MYRFL: variants seen among roughly 807,000 people sequenced by gnomAD.
The protein encoded by MYRFL is myelin regulatory factor-like protein.
In MYRFL, 88 loss-of-function variants were observed where a neutral mutation model predicts 109.4. The observed-to-expected ratio is 0.80, with a 90% CI of 0.68 to 0.96. MYRFL has a LOEUF of 0.96. MYRFL is among the 40% of genes least tolerant of loss of function. MYRFL has a pLI of 0.00. For synonymous variants in MYRFL, 324 were observed against 320.9 expected (o/e 1.01, Z -0.10); for missense variants, 957 against 954.9 (o/e 1.00, Z -0.03).
intron 1 of MYRFL, among the ~76,000 whole-genome samples, chr12:69,854,433 G>A (rs1176724022): frequency 6.6e-6 from 1 of 152,180 alleles, no homozygotes; most frequent in East Asian, 1.9e-4. Context: ...ACCCTGGCTG[G>A]AGTGCAGTGG....
intron 1 of MYRFL, among the ~76,000 whole-genome samples, chr12:69,831,148 A>T (rs1357570805): frequency 6.6e-6 from 1 of 152,208 alleles, no homozygotes; most frequent in Non-Finnish European, 1.5e-5. Context: ...TTTAGTAAAC[A>T]TACAGTAAGC....
At chr12:69,860,603 A>G (rs1342070823) in intron 2 of MYRFL, among the ~76,000 whole-genome samples, 3 of 152,068 alleles carry the variant, frequency 2.0e-5, no homozygotes, top group African/African-American at 7.2e-5. Context: ...TTCTTTTAAA[A>G]AATGTTCATC....
Position 69,936,104 on chromosome 12 carries a change from T to G in MYRFL, c.1917-9T>G. On this transcript the variant is annotated splice_polypyrimidine_tract_variant and intron_variant, in intron 16 of 24. Transcript: ENST00000552032. ...TTTTTTTTTTTTTTTTTTTTTTTTT[T>G]TTTGACAGTGCTTTGACGATAGTTG... The G allele has an allele frequency of 7.0e-7, 1 of 1,425,468 alleles. No homozygotes were observed. The highest frequency in any genetic ancestry group is 9.3e-7 in the Non-Finnish European group (1 of 1,078,312). The allele number at this position is 1,425,468 out of a possible 1,614,324, so 88.3% of individuals were successfully genotyped here. A position where few individuals can be genotyped will look rare whatever the true frequency, so the allele number is the denominator to read the frequency against.
At chr12:69,883,706 T>TAAAC (rs1943629280) in intron 5 of MYRFL, among the ~76,000 whole-genome samples, 1 of 125,468 alleles carries the variant, frequency 8.0e-6, no homozygotes, top group Non-Finnish European at 1.6e-5. Flanking sequence ...CTACAAAAAG[T>TAAAC]AAAAAAAAAA....
intron 2 of MYRFL, among the ~76,000 whole-genome samples, chr12:69,872,286 AAG>A (rs1286857316): frequency 6.6e-6 from 1 of 152,266 alleles, no homozygotes; most frequent in South Asian, 2.1e-4. Context: ...TTGCAGGCAA[AAG>A]AGAGTTGCTT....
Position 69,825,531 on chromosome 12 carries a change from G to C in MYRFL, c.14G>C (p.Gly5Ala). The change falls in exon 1 of 25, where the codon GGC becomes GCC. Residue 5 changes from glycine (G) to alanine (A), a missense_variant. Coordinates refer to ENST00000552032, the MANE Select transcript of MYRFL (RefSeq NM_182530.3). MDVV[G>A]ENEALQQFFE... ...GATCACAGTACCATGGATGTGGTAG[G>C]CGAAAATGAGGCCCTGCAGCAGTTC... The C allele has an allele frequency of 1.4e-6, 1 of 701,954 alleles. No homozygotes were observed. Among genetic ancestry groups the C allele is most frequent in the Non-Finnish European group, 2.6e-6 (1 of 384,300 alleles). The allele number at this position is 701,954 out of a possible 1,614,324, so 43.5% of individuals were successfully genotyped here.
chr12:69,925,704 C>T (rs1955054252), intron 13 of MYRFL, among the ~76,000 whole-genome samples: 1 of 152,118 alleles, frequency 6.6e-6, no homozygotes, highest in Non-Finnish European at 1.5e-5. Flanking sequence ...GGCCTGGACT[C>T]TCTGGGTTTG....
chr12:69,947,054 T>C (rs1323339874), intron 19 of MYRFL: 2 of 152,280 alleles, frequency 1.3e-5, no homozygotes, highest in African/African-American at 4.8e-5. Context: ...GGTTTACTCT[T>C]CCCCTCTGTT....
intron 19 of MYRFL, among the ~76,000 whole-genome samples, chr12:69,949,634 A>G: frequency 6.9e-6 from 1 of 144,032 alleles, no homozygotes; most frequent in Non-Finnish European, 1.5e-5. Flanking sequence ...TTAAAACATT[A>G]TGAGATTTTT....
chr12:69,860,880 TCCCTCCC>T (rs1484563763), intron 2 of MYRFL, among the ~76,000 whole-genome samples: 1 of 111,698 alleles, frequency 9.0e-6, no homozygotes, highest in Non-Finnish European at 1.9e-5. Context: ...CCTAAAGCTA[TCCCTCCC>T]CCCTCCCCCC....
chr12:69,925,915 T>A, intron 13 of MYRFL, among the ~76,000 whole-genome samples: 1 of 152,196 alleles, frequency 6.6e-6, no homozygotes, highest in South Asian at 2.1e-4. Context: ...ACAGAGAGGT[T>A]ATTGCATTTT....
chr12:69,955,396 T>TAAAC lies in MYRFL; in HGVS notation c.2411_2414dup (p.His805GlnfsTer35), dbSNP rs1300836150. 3 of 663,306 alleles carry TAAAC rather than the reference T, an allele frequency of 4.5e-6. No individual in the cohort carries two copies. In the African/African-American group the frequency reaches 5.4e-5, roughly 12 times the overall value. 41.1% of individuals were successfully genotyped at this position (663,306 alleles called of 1,614,324 possible). On this transcript the variant is annotated frameshift_variant, in exon 22 of 25. Coordinates refer to ENST00000552032, the MANE Select transcript of MYRFL (RefSeq NM_182530.3). LOFTEE classifies it high-confidence loss of function. ...ATTATAATTACAATATTCCTGTTAA[T>TAAAC]AAACACACACCCACCAATGTCAAGT...
intron 13 of MYRFL, among the ~76,000 whole-genome samples, chr12:69,917,033 C>T (rs565813456): frequency 3.2e-4 from 48 of 152,246 alleles, no homozygotes; most frequent in African/African-American, 9.9e-4. Flanking sequence ...TCTCTCTGTT[C>T]CTCAAACCTG....
At chr12:69,943,071 T>G (rs1419968889) in intron 19 of MYRFL, among the ~76,000 whole-genome samples, 1 of 151,374 alleles carries the variant, frequency 6.6e-6, no homozygotes, top group Admixed American at 6.6e-5. Context: ...TGCTCATGGA[T>G]AGGAAGAATC....
intron 2 of MYRFL, among the ~76,000 whole-genome samples, chr12:69,874,912 C>T (rs910407906): frequency 6.6e-5 from 10 of 151,162 alleles, no homozygotes; most frequent in Non-Finnish European, 8.8e-5. Flanking sequence ...CACTCTGATG[C>T]GGTAGATGTA....
At chr12:69,904,073 AG>A (rs1954280473) in intron 11 of MYRFL, 3 of 447,526 alleles carry the variant, frequency 6.7e-6, no homozygotes, top group Middle Eastern at 5.8e-4. Context: ...CAGTGGGCAA[AG>A]ACAGCATGTC....
chr12:69,904,847 A>G (rs183663250), intron 11 of MYRFL, among the ~76,000 whole-genome samples: 1 of 152,326 alleles, frequency 6.6e-6, no homozygotes, highest in Non-Finnish European at 1.5e-5. Context: ...TTTAGCTAAT[A>G]GAAGTCCTAA....
At chr12:69,905,536 C>T (rs928029270) in intron 11 of MYRFL, among the ~76,000 whole-genome samples, 1 of 152,172 alleles carries the variant, frequency 6.6e-6, no homozygotes, top group African/African-American at 2.4e-5. Context: ...CTCTGGCAAC[C>T]ACCAGCCCAG....
intron 1 of MYRFL, among the ~76,000 whole-genome samples, chr12:69,835,137 C>A (rs1201679477): frequency 6.6e-6 from 1 of 152,100 alleles, no homozygotes; most frequent in Non-Finnish European, 1.5e-5. Flanking sequence ...TTTAAAAGAA[C>A]CGGTTCTTGT....
Sources: gnomAD v4.1 joint callset for allele counts (sites outside exome capture counted in the v4.1 genomes callset) on GRCh38, gnomAD v4.1.1 for gene constraint, MANE v1.5 for transcripts, NCBI Gene and HGNC (gene_info 2026-07-23, HGNC 2026-07-21) for gene names.